CUBN: variants seen among roughly 807,000 people sequenced by gnomAD.
CUBN encodes the protein 460 kDa receptor.
CUBN carries 282 observed loss-of-function variants against 405.3 expected under a neutral mutation model. The observed-to-expected ratio is 0.70, with a 90% CI of 0.63 to 0.77. The LOEUF is 0.77. CUBN is among the 30% of genes least tolerant of loss of function. The pLI is 0.00. For synonymous variants in CUBN, 1,684 were observed against 1,617.0 expected, an observed-to-expected ratio of 1.04 and a Z score of -0.99; for missense variants, 4,514 against 4,475.2, an observed-to-expected ratio of 1.01 and a Z score of -0.25.
chr10:17,109,787 G>A, intron 9 of CUBN, 52 bp from the exon 10 acceptor site: 1 of 1,390,968 alleles, frequency 7.2e-7, no homozygotes, highest in Non-Finnish European at 1.0e-6. Context: ...AAGATGGGAG[G>A]ACAAAGCCTG....
intron 51 of CUBN, among the ~76,000 whole-genome samples, chr10:16,901,928 C>T (rs1841393170): frequency 2.3e-5 from 3 of 128,044 alleles, no homozygotes; most frequent in Non-Finnish European, 5.2e-5. Context: ...TACACACACA[C>T]ACACACACCA....
Position 17,114,029 on chromosome 10 carries a change from G to T in CUBN, c.881C>A (p.Thr294Lys), listed in dbSNP as rs1169426028. The T allele has an allele frequency of 1.9e-6, 3 of 1,612,368 alleles. No individual in the cohort carries two copies. Among genetic ancestry groups the T allele is most frequent in the Non-Finnish European group, 2.5e-6 (3 of 1,179,302 alleles). Residue 294 changes from threonine to lysine, a missense_variant and splice_region_variant, in exon 8 of 67, where the codon ACA (threonine) becomes AAA (lysine). Physicochemically the swap from Thr to Lys is moderately conservative, Grantham distance 78. Around this residue, in one of 5 missense-constraint regions of CUBN, gnomAD observed 1,448 missense variants for 1,388.0 expected, o/e 1.04. Transcript: ENST00000377833. ...GGCTTGTGGCCCTGAGAATGTACCT[G>T]TTGGACAGGCCCCACAGTAGAAAGA... ...QGSFYCGACPTGWQGNGYICE... is the reference protein window; with the variant it reads ...QGSFYCGACPKGWQGNGYICE...
Position 16,904,086 on chromosome 10 carries a change from G to C in CUBN, c.7942C>G (p.Leu2648Val). The C allele has an allele frequency of 6.2e-7, 1 of 1,613,792 alleles. No homozygotes were observed. The highest frequency in any genetic ancestry group is 8.5e-7 in the Non-Finnish European group (1 of 1,179,736). The stretch of plus-strand genomic sequence containing the variant: ...AATGTAGGCTTTGAAGGACCACAAA[G>C]TCTCCACATCAGGGGCCCATCAGCA... Reference protein sequence around the residue: ...GDADGPLMWRLCGPSKPTLPL... With the variant: ...GDADGPLMWRVCGPSKPTLPL... Residue 2648 changes from leucine to valine, a missense_variant, in exon 51 of 67, where the codon CTT becomes GTT. Leu to Val is a conservative substitution (Grantham distance 32). Transcript: ENST00000377833.
chr10:17,105,052 C>T (rs1226129409), intron 11 of CUBN, among the ~76,000 whole-genome samples: 1 of 151,920 alleles, frequency 6.6e-6, no homozygotes, highest in African/African-American at 2.4e-5. Context: ...GCACCCGCCT[C>T]ACCCTCCCAA....
At chr10:17,028,978 G>A (rs1055440870) in intron 27 of CUBN, among the ~76,000 whole-genome samples, 4 of 152,170 alleles carry the variant, frequency 2.6e-5, no homozygotes, top group Non-Finnish European at 5.9e-5. Context: ...GAGACCTTTC[G>A]GTTGCCCTGC....
At chr10:16,975,833 G>A (rs1316915377) in intron 31 of CUBN, among the ~76,000 whole-genome samples, 2 of 151,748 alleles carry the variant, frequency 1.3e-5, no homozygotes, top group African/African-American at 4.8e-5. Flanking sequence ...GTTTCACCAT[G>A]TTGGCCAGGA....
At chr10:17,027,592 A>G (rs1367313568) in intron 27 of CUBN, among the ~76,000 whole-genome samples, 1 of 152,192 alleles carries the variant, frequency 6.6e-6, no homozygotes. Flanking sequence ...TTTTAAAGCA[A>G]TATCTTTGGG....
intron 40 of CUBN, among the ~76,000 whole-genome samples, chr10:16,931,212 C>T (rs1182271733): frequency 6.7e-6 from 1 of 150,124 alleles, no homozygotes; most frequent in Non-Finnish European, 1.5e-5. Flanking sequence ...TGCAGTGAGC[C>T]AAGATAGCGC....
intron 24 of CUBN, among the ~76,000 whole-genome samples, chr10:17,045,601 T>C (rs1588608314): frequency 1.3e-5 from 2 of 151,960 alleles, no homozygotes; most frequent in South Asian, 4.1e-4. Context: ...GCCAGGCTGG[T>C]TTCAAACTCC....
intron 7 of CUBN, among the ~76,000 whole-genome samples, chr10:17,114,601 CCAT>C (rs1296326282): frequency 1.3e-5 from 2 of 152,160 alleles, no homozygotes; most frequent in Non-Finnish European, 1.5e-5. Context: ...CCTTCCATCC[CCAT>C]CATTGGACGG....
chr10:17,112,792 G>A (rs890268673), intron 8 of CUBN, among the ~76,000 whole-genome samples: 1 of 151,994 alleles, frequency 6.6e-6, no homozygotes, highest in Non-Finnish European at 1.5e-5. Flanking sequence ...CAAGAAACTT[G>A]GGTTTCAATT....
chr10:16,910,242 C>G (rs1002285998), intron 48 of CUBN, among the ~76,000 whole-genome samples: 7 of 151,792 alleles, frequency 4.6e-5, no homozygotes, highest in Admixed American at 3.3e-4. Flanking sequence ...TCTCCCTCTT[C>G]TCCTCCTCCT....
intron 31 of CUBN, among the ~76,000 whole-genome samples, chr10:16,980,550 A>G (rs746694816): frequency 2.0e-5 from 3 of 152,324 alleles, no homozygotes; most frequent in Non-Finnish European, 4.4e-5. Flanking sequence ...AGGGACATGG[A>G]TGAAGCTGGA....
At chr10:16,973,834 T>C (rs1354742694) in intron 31 of CUBN, among the ~76,000 whole-genome samples, 2 of 152,192 alleles carry the variant, frequency 1.3e-5, no homozygotes, top group African/African-American at 2.4e-5. Context: ...TTCATTCTTG[T>C]GGCTGTGTCA....
At chr10:17,073,857 CTCTA>C (rs1456391850) in intron 17 of CUBN, among the ~76,000 whole-genome samples, 1 of 152,178 alleles carries the variant, frequency 6.6e-6, no homozygotes, top group African/African-American at 2.4e-5. Flanking sequence ...GAGCAAGTTA[CTCTA>C]TCTAAGCTCA....
At position 16,901,434 on chromosome 10, in the gene CUBN, G is replaced by A. The variant is rs774895501; in HGVS notation, c.8088C>T (p.Asp2696=). The A allele has an allele frequency of 2.5e-6, 4 of 1,614,108 alleles. No individual in the cohort carries two copies. The highest frequency in any genetic ancestry group is 3.4e-6 in the Non-Finnish European group (4 of 1,180,004). ...AGTTGGGGCTTGTGATCACTCCACT[G>A]TCACCTATCTGTATTCCGCCACAAT... is the stretch of plus-strand genomic sequence containing the variant. The part of the protein sequence containing the change: ...FTDCGGIQIG[D]SGVITSPNYP... Residue 2696 remains aspartate (D), a synonymous_variant, in exon 52 of 67, where the codon GAC becomes GAT. Transcript: ENST00000377833.
At chr10:17,129,487 A>G (rs1221198700) in intron 1 of CUBN, among the ~76,000 whole-genome samples, 157 bp downstream of exon 1, 2 of 152,208 alleles carry the variant, frequency 1.3e-5, no homozygotes, top group Admixed American at 6.5e-5. Flanking sequence ...GTGCATAGGA[A>G]AGTAATTTCA....
intron 66 of CUBN, among the ~76,000 whole-genome samples, chr10:16,827,969 A>C (rs1484251329): frequency 6.6e-6 from 1 of 152,118 alleles, no homozygotes; most frequent in Non-Finnish European, 1.5e-5. Flanking sequence ...TCAACGTCAG[A>C]TTCTGATTTT....
intron 31 of CUBN, among the ~76,000 whole-genome samples, chr10:16,955,142 G>A (rs918973753): frequency 4.6e-5 from 7 of 151,974 alleles, no homozygotes; most frequent in Admixed American, 2.6e-4. Context: ...AGGCTGAGGC[G>A]GGTGGATCAC....
Sources: allele counts gnomAD v4.1 joint callset (sites outside exome capture counted in the v4.1 genomes callset), GRCh38; gene constraint gnomAD v4.1.1; regional missense constraint gnomAD v4.1.1; transcripts MANE v1.5; gene names NCBI Gene and HGNC (gene_info 2026-07-23, HGNC 2026-07-21).